Variants in SLC37A3 observed in about 807,000 individuals in gnomAD.
SLC37A3 encodes sugar phosphate exchanger 3.
In SLC37A3, 51 loss-of-function variants were observed where a neutral mutation model predicts 67.1. The ratio of observed to expected loss-of-function variants is 0.76; its 90% CI spans 0.61 to 0.96. SLC37A3 has a LOEUF of 0.96. Ranked by LOEUF, SLC37A3 falls within the 40% of genes least tolerant of loss-of-function variation. The pLI is 0.00. For synonymous variants in SLC37A3, 214 were observed against 231.4 expected (o/e 0.92, Z 0.68); for missense variants, 508 against 603.0 (o/e 0.84, Z 1.65).
Position 140,380,384 on chromosome 7 carries a change from C to A in SLC37A3, c.96G>T (p.Ser32=), listed in dbSNP as rs747198215. 6.2e-7 allele frequency: 1 copy of A among 1,607,742 alleles called. No homozygotes were observed. The highest frequency in any genetic ancestry group is 2.2e-5 in the East Asian group (1 of 44,818). Residue 32 remains serine (S), a synonymous_variant, in exon 3 of 15, where the codon TCG becomes TCT. Coordinates refer to ENST00000326232, the MANE Select transcript of SLC37A3 (RefSeq NM_207113.3). The part of the protein sequence containing the change: ...VVFLLTFFSY[S]LLHASRKTFS... ...ATGTTTTTCGTGAAGCATGGAGCAA[C>A]GAATAACTACAAAATAGAGAGAATA...
At chr7:140,380,897 CTT>C (rs56276405) in intron 2 of SLC37A3, among the ~76,000 whole-genome samples, 6 of 125,862 alleles carry the variant, frequency 4.8e-5, no homozygotes, top group Non-Finnish European at 6.5e-5. Flanking sequence ...TCTTCTTCTT[CTT>C]TTTTTTTTTT....
Position 140,348,623 on chromosome 7 carries a change from T to A in SLC37A3, c.1024+3A>T, listed in dbSNP as rs1467217187. ...TTATGGAAAAGATGTATCACCGGCA[T>A]ACCTATGATCCCTCCAACGTCGTAC... On this transcript the variant is annotated splice_donor_region_variant and intron_variant, in intron 10 of 14. Coordinates refer to ENST00000326232, the MANE Select transcript of SLC37A3 (RefSeq NM_207113.3). 3 of 1,599,940 alleles carry A rather than the reference T, an allele frequency of 1.9e-6. No individual in the cohort carries two copies. Among genetic ancestry groups the A allele is most frequent in the South Asian group, 2.2e-5 (2 of 88,998 alleles).
intron 9 of SLC37A3, 67 bp downstream of exon 9, chr7:140,351,206 T>G: frequency 6.8e-7 from 1 of 1,477,864 alleles, no homozygotes; most frequent in East Asian, 2.3e-5. Context: ...AAGCTTTATC[T>G]CAGGCAGAGG....
intron 5 of SLC37A3, among the ~76,000 whole-genome samples, chr7:140,362,458 T>C (rs1173194098): frequency 7.7e-6 from 1 of 129,668 alleles, no homozygotes; most frequent in Admixed American, 7.9e-5. Context: ...AGCCGCCCCG[T>C]CTGGGAGGTG....
chr7:140,348,457 CT>C (rs1796658463), intron 10 of SLC37A3, 168 bp downstream of exon 10: 1 of 634,458 alleles, frequency 1.6e-6, no homozygotes, highest in East Asian at 4.1e-5. Flanking sequence ...CTTTTCTTTT[CT>C]TTTCTTTTTT....
At chr7:140,395,379 T>TAAAAAAAA (rs35674101) in intron 1 of SLC37A3, among the ~76,000 whole-genome samples, 11 of 77,804 alleles carry the variant, frequency 1.4e-4, no homozygotes, top group Non-Finnish European at 1.9e-4. Flanking sequence ...CATCTCAAAT[T>TAAAAAAAA]AAAAAAAAAA....
At chr7:140,380,860 A>G (rs922619959) in intron 2 of SLC37A3, among the ~76,000 whole-genome samples, 1 of 151,430 alleles carries the variant, frequency 6.6e-6, no homozygotes, top group Non-Finnish European at 1.5e-5. Context: ...CCAGGATTAT[A>G]AGCATGACAC....
At chr7:140,362,674 G>T (rs1212306456) in intron 5 of SLC37A3, among the ~76,000 whole-genome samples, 2 of 20,918 alleles carry the variant, frequency 9.6e-5, no homozygotes, top group Non-Finnish European at 1.8e-4. Context: ...GGAGGGAGGT[G>T]GGGGGGGGGG....
chr7:140,379,730 A>C (rs1402630138), intron 3 of SLC37A3: 1 of 103,218 alleles, frequency 9.7e-6, no homozygotes, highest in African/African-American at 5.0e-5. Flanking sequence ...CCATCTCTAC[A>C]AAAAAAAAAA....
intron 3 of SLC37A3, among the ~76,000 whole-genome samples, chr7:140,376,186 G>C (rs1798024715): frequency 6.6e-6 from 1 of 152,128 alleles, no homozygotes; most frequent in Admixed American, 6.6e-5. Flanking sequence ...TACACTTTTT[G>C]ACTGTTGACT....
intron 5 of SLC37A3, among the ~76,000 whole-genome samples, chr7:140,360,728 C>T (rs1022167297): frequency 3.2e-4 from 25 of 78,020 alleles, no homozygotes; most frequent in South Asian, 1.2e-3. Context: ...AGCAAGACTC[C>T]GTTTAAAAAA....
chr7:140,339,793 G>C (rs1796285162), intron 13 of SLC37A3, among the ~76,000 whole-genome samples: 6 of 151,040 alleles, frequency 4.0e-5, no homozygotes, highest in Non-Finnish European at 7.4e-5. Flanking sequence ...CTGGAGTGCA[G>C]TGGCACAATC....
chr7:140,342,455 GACCA>G (rs1319528913), intron 13 of SLC37A3, among the ~76,000 whole-genome samples: 4 of 151,970 alleles, frequency 2.6e-5, no homozygotes, highest in Non-Finnish European at 5.9e-5. Context: ...CTCTTTCTTT[GACCA>G]CTGGGCATTC....
At chr7:140,370,994 G>A (rs1024899164) in intron 3 of SLC37A3, among the ~76,000 whole-genome samples, 19 of 152,042 alleles carry the variant, frequency 1.2e-4, no homozygotes, top group African/African-American at 4.1e-4. Context: ...GATTGGCCTG[G>A]GAATATCCAC....
chr7:140,393,869 C>T (rs958186938), intron 1 of SLC37A3, among the ~76,000 whole-genome samples: 26 of 152,228 alleles, frequency 1.7e-4, no homozygotes, highest in African/African-American at 5.3e-4. Flanking sequence ...GCACTGAGAA[C>T]GATCAATAAA....
intron 5 of SLC37A3, among the ~76,000 whole-genome samples, chr7:140,361,504 C>CCTCTCCCTCTCCCTCTCCCTCT (rs1563027225): frequency 1.2e-4 from 9 of 73,116 alleles, no homozygotes; most frequent in South Asian, 5.2e-4. Context: ...CCTCCCCCTC[C>CCTCTCCCTCTCCCTCTCCCTCT]CCCTCCCCCT....
At chr7:140,344,873 G>A (rs1796491796) in intron 12 of SLC37A3, among the ~76,000 whole-genome samples, 1 of 152,220 alleles carries the variant, frequency 6.6e-6, no homozygotes, top group African/African-American at 2.4e-5. Flanking sequence ...CACAGGAGGA[G>A]ACACGAGCTA....
At chr7:140,346,897 A>G (rs527456870) in intron 10 of SLC37A3, among the ~76,000 whole-genome samples, 1 of 152,098 alleles carries the variant, frequency 6.6e-6, no homozygotes, top group East Asian at 1.9e-4. Flanking sequence ...GTATTGTGCC[A>G]CTGCACTCTA....
At chr7:140,393,424 C>T (rs986511512) in intron 1 of SLC37A3, among the ~76,000 whole-genome samples, 3 of 152,158 alleles carry the variant, frequency 2.0e-5, no homozygotes, top group Non-Finnish European at 4.4e-5. Context: ...TTTGCCAGGC[C>T]GCCTGGTGAG....
Sources: gnomAD v4.1 joint callset for allele counts (sites outside exome capture counted in the v4.1 genomes callset) on GRCh38, gnomAD v4.1.1 for gene constraint, MANE v1.5 for transcripts, NCBI Gene and HGNC (gene_info 2026-07-23, HGNC 2026-07-21) for gene names.